Variants in ZNF578 observed in about 807,000 individuals in gnomAD.
The protein encoded by ZNF578 is zinc finger protein 578, also known as Putative chemokine-related protein B42.
ZNF578 carries 8 observed loss-of-function variants against 8.3 expected under a neutral mutation model. That is an observed-to-expected ratio of 0.96 (90% confidence interval 0.56 to 1.74). The LOEUF is 1.74. ZNF578 is among the 40% of genes most tolerant of loss of function. The probability of loss-of-function intolerance (pLI) is 0.00; values close to 1 mark genes in which losing one functional copy is unlikely to be tolerated. For synonymous variants in ZNF578, 206 were observed against 232.2 expected, an observed-to-expected ratio of 0.89 and a Z score of 1.03; for missense variants, 726 against 707.5, an observed-to-expected ratio of 1.03 and a Z score of -0.30.
chr19:52,482,999 A>G (rs2059332421), intron 2 of ZNF578, among the ~76,000 whole-genome samples: 1 of 151,876 alleles, frequency 6.6e-6, no homozygotes, highest in Non-Finnish European at 1.5e-5. Flanking sequence ...AGTCCCATCT[A>G]CTTGGGAGGC....
chr19:52,463,672 G>GT (rs2122774661), intron 2 of ZNF578, among the ~76,000 whole-genome samples: 1 of 152,302 alleles, frequency 6.6e-6, no homozygotes, highest in African/African-American at 2.4e-5. Flanking sequence ...AATATGCAGA[G>GT]TAGCTTACAC....
intron 2 of ZNF578, among the ~76,000 whole-genome samples, chr19:52,489,104 C>A (rs188813256): frequency 3.3e-5 from 5 of 151,278 alleles, no homozygotes; most frequent in South Asian, 2.1e-4. Flanking sequence ...GTCTGCCCCC[C>A]CTAAAAAAAG....
Position 52,515,627 on chromosome 19 carries a change from G to GC in ZNF578, c.*3475dup, listed in dbSNP as rs545640448. 7.0e-4 allele frequency among the ~76,000 whole-genome samples: 106 copies of GC among 152,130 alleles called. 1 individual carries two copies. The East Asian group carries it at 0.019, about 27-fold the overall frequency. ...TGTCTTCCGATCTGAGCCCCAGTGA[G>GC]CCTCCCTGCAACTTGGCGACGAGGG... On this transcript the variant is annotated 3_prime_UTR_variant, in exon 6 of 6. Coordinates refer to ENST00000421239, the MANE Select transcript of ZNF578 (RefSeq NM_001099694.2).
chr19:52,477,838 T>G (rs963955173), intron 2 of ZNF578, among the ~76,000 whole-genome samples: 3 of 152,240 alleles, frequency 2.0e-5, no homozygotes, highest in African/African-American at 7.2e-5. Context: ...AGCAGTGGTG[T>G]GAGGAATCTG....
At position 52,515,189 on chromosome 19, in the gene ZNF578, C is replaced by T. The variant is rs763146306; in HGVS notation, c.*3035C>T. ...CATGTTGGCAGGCTGGTCTTGAACT[C>T]CTGACTTCAGGTGATCTGCCCACCT... On this transcript the variant is annotated 3_prime_UTR_variant, in exon 6 of 6. Transcript: ENST00000421239. Among the ~76,000 whole-genome samples, 5 of 151,964 alleles carry T rather than the reference C, an allele frequency of 3.3e-5. No homozygotes were observed. The highest frequency in any genetic ancestry group is 5.9e-5 in the Non-Finnish European group (4 of 67,998).
chr19:52,500,387 G>A (rs1196748961), intron 3 of ZNF578, among the ~76,000 whole-genome samples: 8 of 150,274 alleles, frequency 5.3e-5, no homozygotes, highest in Middle Eastern at 3.4e-3. Context: ...AGGCACAAAT[G>A]GTTGCAATCT....
chr19:52,473,021 G>C (rs148340226), intron 2 of ZNF578, among the ~76,000 whole-genome samples: 2 of 152,236 alleles, frequency 1.3e-5, no homozygotes, highest in East Asian at 3.9e-4. Context: ...TAAGTCTTCT[G>C]ATGTACTCTA....
At chr19:52,488,730 G>A (rs2059354703) in intron 2 of ZNF578, among the ~76,000 whole-genome samples, 1 of 151,886 alleles carries the variant, frequency 6.6e-6, no homozygotes, top group Middle Eastern at 3.2e-3. Flanking sequence ...GTTGCAGTGA[G>A]CCGAGATTGC....
intron 3 of ZNF578, among the ~76,000 whole-genome samples, chr19:52,498,239 C>T (rs1369454065): frequency 6.6e-6 from 1 of 152,020 alleles, no homozygotes; most frequent in Non-Finnish European, 1.5e-5. Context: ...TCTCTGCAAC[C>T]TCCACCTCTC....
intron 2 of ZNF578, among the ~76,000 whole-genome samples, chr19:52,483,323 G>A (rs1261497184): frequency 6.6e-6 from 1 of 152,150 alleles, no homozygotes; most frequent in African/African-American, 2.4e-5. Context: ...GCTGAGGCAG[G>A]AGAATTGCTT....
rs2059450779 is a variant in ZNF578 at position 52,512,082 on chromosome 19, C to T, written c.1701C>T (p.Tyr567=). 1 of 1,613,626 alleles carries T rather than the reference C, an allele frequency of 6.2e-7. No homozygotes were observed. Among genetic ancestry groups the T allele is most frequent in the African/African-American group, 1.3e-5 (1 of 74,798 alleles). ...GAATTCATAGCGGAGAGAAACCTTA[C>T]AAGTGTAATGAGTGTGGTAAGGCTC... ...HTRIHSGEKP[Y]KCNECGKAHN... The change falls in exon 6 of 6, where the codon TAC becomes TAT. Residue 567 remains tyrosine (Y), a synonymous_variant. Transcript: ENST00000421239.
chr19:52,504,350 C>T (rs1031635165), intron 4 of ZNF578, among the ~76,000 whole-genome samples: 4 of 152,108 alleles, frequency 2.6e-5, no homozygotes, highest in Non-Finnish European at 5.9e-5. Context: ...CTTGGCCTCC[C>T]GAAGCATTGG....
At chr19:52,469,167 G>GTTTT (rs3054902) in intron 2 of ZNF578, among the ~76,000 whole-genome samples, 8,177 of 130,472 alleles carry the variant, frequency 0.063, 494 homozygotes, top group Middle Eastern at 0.073. Context: ...GTTTTTTTTT[G>GTTTT]TTTTTTTTTT....
chr19:52,485,846 C>T (rs2059343639), intron 2 of ZNF578, among the ~76,000 whole-genome samples: 2 of 152,158 alleles, frequency 1.3e-5, no homozygotes, highest in Admixed American at 1.3e-4. Flanking sequence ...GCTGCAAGGA[C>T]CTCTGCCTAG....
rs2059452111 is a variant in ZNF578, at chr19:52,512,284, A to T, written c.*130A>T. The T allele has an allele frequency of 6.3e-7, 1 of 1,580,964 alleles. No homozygotes were observed. Among genetic ancestry groups the T allele is most frequent in the Non-Finnish European group, 8.7e-7 (1 of 1,150,422 alleles). On this transcript the variant is annotated 3_prime_UTR_variant, in exon 6 of 6. Transcript: ENST00000421239. Reference sequence around the variant, plus strand: ...CTTACAAGTGTAATGAGTGTGGCAAAGCCTTTAGTGACCAGTCAACACTTA... The same window carrying T: ...CTTACAAGTGTAATGAGTGTGGCAATGCCTTTAGTGACCAGTCAACACTTA...
Position 52,511,721 on chromosome 19 carries a change from G to T in ZNF578, c.1340G>T (p.Arg447Ile), listed in dbSNP as rs1424415295. 6.2e-7 allele frequency: 1 copy of T among 1,613,500 alleles called. No homozygotes were observed. The highest frequency in any genetic ancestry group is 8.5e-7 in the Non-Finnish European group (1 of 1,179,932). Reference sequence around the variant, plus strand: ...CAGTCAAGCCTTGCACGTCATCATAGACTTCATACTGGAGAGAAATCTTAC... The same window carrying T: ...CAGTCAAGCCTTGCACGTCATCATATACTTCATACTGGAGAGAAATCTTAC... Reference protein sequence around the residue: ...IHQSSLARHHRLHTGEKSYKC... With the variant: ...IHQSSLARHHILHTGEKSYKC... Residue 447 changes from arginine to isoleucine, a missense_variant, in exon 6 of 6, where the codon AGA becomes ATA. Physicochemically the swap from Arg to Ile is moderately conservative, Grantham distance 97. Transcript: ENST00000421239.
rs916812555 is a variant in ZNF578 at position 52,513,087 on chromosome 19, C to A, written c.*933C>A. Among the ~76,000 whole-genome samples, 15 of 152,136 alleles carry A rather than the reference C, an allele frequency of 9.9e-5. No individual in the cohort carries two copies. Among genetic ancestry groups the A allele is most frequent in the African/African-American group, 3.6e-4 (15 of 41,430 alleles). On this transcript the variant is annotated 3_prime_UTR_variant, in exon 6 of 6. Transcript: ENST00000421239. ...CCAGGCTAGAGTGCAATGGTGCGAT[C>A]TTGACTCACAGCAACCTCCGCCTCC...
At chr19:52,464,979 G>T (rs924234931) in intron 2 of ZNF578, among the ~76,000 whole-genome samples, 1 of 152,200 alleles carries the variant, frequency 6.6e-6, no homozygotes, top group Non-Finnish European at 1.5e-5. Flanking sequence ...CTCATCGGTT[G>T]AATTACAGCT....
chr19:52,515,111 C>T lies in ZNF578; in HGVS notation c.*2957C>T, dbSNP rs1200299923. Among the ~76,000 whole-genome samples, 2 of 151,558 alleles carry T rather than the reference C, an allele frequency of 1.3e-5. No individual in the cohort carries two copies. Among genetic ancestry groups the T allele is most frequent in the South Asian group, 2.1e-4 (1 of 4,790 alleles). On this transcript the variant is annotated 3_prime_UTR_variant, in exon 6 of 6. Transcript: ENST00000421239. ...ACTGAGTAGTTGGGATTACAGGTGC[C>T]CTCCACCACTCCCGGCTCATTTTTT...
Sources: allele counts gnomAD v4.1 joint callset (sites outside exome capture counted in the v4.1 genomes callset), GRCh38; gene constraint gnomAD v4.1.1; transcripts MANE v1.5; gene names NCBI Gene and HGNC (gene_info 2026-07-23, HGNC 2026-07-21).